The following CNTN6 variants were observed in gnomAD, a reference collection of about 807,000 sequenced individuals.
CNTN6 encodes contactin 6.
Under a neutral mutation model 122.8 loss-of-function variants are expected in CNTN6, and 137 were observed. The ratio of observed to expected loss-of-function variants is 1.12; its 90% CI spans 0.97 to 1.29. CNTN6 has a LOEUF of 1.29. Ranked by LOEUF, CNTN6 falls within the 50% of genes most tolerant of loss-of-function variation. The probability of loss-of-function intolerance (pLI) is 0.00; values close to 1 mark genes in which losing one functional copy is unlikely to be tolerated. For synonymous variants in CNTN6, 570 were observed against 426.0 expected, an observed-to-expected ratio of 1.34 and a Z score of -4.16; for missense variants, 1,634 against 1,223.4, an observed-to-expected ratio of 1.34 and a Z score of -5.01.
Position 1,270,884 on chromosome 3 carries a change from T to C in CNTN6, c.359-7529T>C, listed in dbSNP as rs916153941. On this transcript the variant is annotated intron_variant, in intron 4 of 22. Coordinates refer to ENST00000446702, the MANE Select transcript of CNTN6 (RefSeq NM_001289080.2). The stretch of plus-strand genomic sequence containing the variant: ...TCTCGAGCCACAATATTTGTTTCTT[T>C]ACTTTGTCTTTGTTTGTTTGTTTGT... Among the ~76,000 whole-genome samples the C allele has an allele frequency of 4.7e-5, 7 of 148,764 alleles. No homozygotes were observed. In the South Asian group the frequency reaches 1.5e-3, roughly 31 times the overall value.
At chr3:1,377,551 T>C (rs960198657) in intron 17 of CNTN6, among the ~76,000 whole-genome samples, 3 of 152,206 alleles carry the variant, frequency 2.0e-5, no homozygotes, top group Non-Finnish European at 2.9e-5. Flanking sequence ...CCCATTAACA[T>C]ACAGGCTCAT....
At chr3:1,320,330 T>A (rs1700674053) in intron 7 of CNTN6, among the ~76,000 whole-genome samples, 2 of 151,752 alleles carry the variant, frequency 1.3e-5, no homozygotes, top group Admixed American at 6.6e-5. Flanking sequence ...TTGTGCTTTA[T>A]CCTTGATGTA....
intron 5 of CNTN6, among the ~76,000 whole-genome samples, chr3:1,280,352 G>A (rs1176772080): frequency 6.6e-6 from 1 of 150,614 alleles, no homozygotes; most frequent in Admixed American, 6.6e-5. Flanking sequence ...CCGTGGGGTC[G>A]ATGCCATAAA....
At chr3:1,295,860 G>A (rs1696139674) in intron 6 of CNTN6, 56 bp downstream of exon 6, 2 of 1,500,160 alleles carry the variant, frequency 1.3e-6, no homozygotes, top group Non-Finnish European at 1.8e-6. Flanking sequence ...TAAAGCCTGG[G>A]AAGATTCGTA....
intron 2 of CNTN6, among the ~76,000 whole-genome samples, chr3:1,180,708 T>C (rs75003175): frequency 0.013 from 2,006 of 152,322 alleles, 56 homozygotes; most frequent in African/African-American, 0.045. Context: ...CAGTGTTCTA[T>C]TGATTGTATG....
intron 1 of CNTN6, among the ~76,000 whole-genome samples, chr3:1,122,289 G>A (rs2091977332): frequency 6.8e-6 from 1 of 147,882 alleles, no homozygotes; most frequent in African/African-American, 2.5e-5. Flanking sequence ...GAGGAAAAGA[G>A]GAAGAGAGAA....
At chr3:1,121,764 C>T (rs563819940) in intron 1 of CNTN6, among the ~76,000 whole-genome samples, 2 of 151,850 alleles carry the variant, frequency 1.3e-5, no homozygotes, top group Non-Finnish European at 2.9e-5. Flanking sequence ...ATAGTAAGAC[C>T]ATCATTTACC....
chr3:1,317,676 G>A (rs990170395), intron 7 of CNTN6, among the ~76,000 whole-genome samples: 2 of 151,762 alleles, frequency 1.3e-5, no homozygotes, highest in Admixed American at 6.6e-5. Flanking sequence ...CTCTTCAAGA[G>A]CCATTCTGCA....
chr3:1,232,856 A>G (rs530624240), intron 4 of CNTN6, among the ~76,000 whole-genome samples: 1 of 152,344 alleles, frequency 6.6e-6, no homozygotes, highest in Non-Finnish European at 1.5e-5. Context: ...TTGAACCTTG[A>G]CATGTTAGTT....
intron 1 of CNTN6, among the ~76,000 whole-genome samples, chr3:1,114,967 G>A (rs1373151540): frequency 2.0e-5 from 3 of 152,016 alleles, no homozygotes; most frequent in Non-Finnish European, 2.9e-5. Flanking sequence ...AAAATAGAGG[G>A]CTCATCTGAA....
rs192980422 is a variant in CNTN6 at position 1,402,574 on chromosome 3, C to T, written c.2986+88C>T. On this transcript the variant is annotated intron_variant, in intron 22 of 22. Transcript: ENST00000446702. ...GCTCCATGAAACCTTCCAGTTATGGCTTAAATGTTGGGTGATAAGATAAAT... is the reference window on the plus strand; with the variant it reads ...GCTCCATGAAACCTTCCAGTTATGGTTTAAATGTTGGGTGATAAGATAAAT... The T allele has an allele frequency of 1.1e-5, 12 of 1,091,784 alleles. No homozygotes were observed. The East Asian group carries it at 3.1e-4, about 28-fold the overall frequency. 67.6% of individuals were successfully genotyped at this position (1,091,784 alleles called of 1,614,324 possible).
intron 4 of CNTN6, among the ~76,000 whole-genome samples, chr3:1,250,679 C>T (rs182752276): frequency 9.2e-5 from 14 of 152,226 alleles, no homozygotes; most frequent in Admixed American, 4.6e-4. Flanking sequence ...CCCAATCCTC[C>T]GCAGCTTGTG....
At chr3:1,393,815 T>C (rs1330238517) in intron 20 of CNTN6, among the ~76,000 whole-genome samples, 1 of 152,138 alleles carries the variant, frequency 6.6e-6, no homozygotes, top group Non-Finnish European at 1.5e-5. Context: ...GAGAGAGATA[T>C]ATCCATATGA....
intron 9 of CNTN6, among the ~76,000 whole-genome samples, chr3:1,326,477 A>G (rs1307075344): frequency 6.6e-6 from 1 of 151,844 alleles, no homozygotes; most frequent in South Asian, 2.1e-4. Flanking sequence ...ATCAGGACCC[A>G]ATCTCTTAGT....
chr3:1,106,862 C>T (rs2091248351), intron 1 of CNTN6, among the ~76,000 whole-genome samples: 1 of 152,026 alleles, frequency 6.6e-6, no homozygotes, highest in South Asian at 2.1e-4. Context: ...GTTTTATTGA[C>T]ATATATCATT....
intron 2 of CNTN6, among the ~76,000 whole-genome samples, chr3:1,167,501 A>C (rs1225763024): frequency 6.6e-6 from 1 of 152,208 alleles, no homozygotes; most frequent in Admixed American, 6.5e-5. Flanking sequence ...ATATTAAAAT[A>C]ATGAAGTGCC....
chr3:1,313,646 T>C (rs909263034), intron 7 of CNTN6, among the ~76,000 whole-genome samples: 3 of 152,048 alleles, frequency 2.0e-5, no homozygotes, highest in Admixed American at 6.6e-5. Flanking sequence ...AACAAACCAT[T>C]TGTGGCTTTT....
At chr3:1,385,225 C>G (rs767193006) in intron 19 of CNTN6, among the ~76,000 whole-genome samples, 1 of 151,916 alleles carries the variant, frequency 6.6e-6, no homozygotes, top group Non-Finnish European at 1.5e-5. Flanking sequence ...ATTCAAATAA[C>G]TCTGAAAAGA....
chr3:1,094,300 G>C (rs974246321), intron 1 of CNTN6, among the ~76,000 whole-genome samples: 67 of 151,884 alleles, frequency 4.4e-4, no homozygotes, highest in Non-Finnish European at 1.2e-4. Flanking sequence ...GTAAACATAC[G>C]CATGTTCACA....
Sources: allele counts gnomAD v4.1 joint callset (sites outside exome capture counted in the v4.1 genomes callset), GRCh38; gene constraint gnomAD v4.1.1; transcripts MANE v1.5; gene names NCBI Gene and HGNC (gene_info 2026-07-23, HGNC 2026-07-21).